The following DLG2 variants were observed in gnomAD, a reference collection of about 807,000 sequenced individuals.
DLG2 encodes the protein disks large homolog 2.
Under a neutral mutation model 132.5 loss-of-function variants are expected in DLG2, and 45 were observed. The observed-to-expected ratio is 0.34, with a 90% CI of 0.27 to 0.44. The LOEUF is 0.44. DLG2 is among the 20% of genes least tolerant of loss of function. The pLI is 1.00. For synonymous variants in DLG2, 424 were observed against 419.6 expected (o/e 1.01, Z -0.13); for missense variants, 1,045 against 1,196.9 (o/e 0.87, Z 1.87).
chr11:84,348,622 T>G (rs941498888), intron 7 of DLG2, among the ~76,000 whole-genome samples: 1 of 152,196 alleles, frequency 6.6e-6, no homozygotes, highest in Admixed American at 6.5e-5. Flanking sequence ...ATGGGTTGAA[T>G]TAAGTACCCC....
At chr11:84,748,398 T>G (rs1163126975) in intron 6 of DLG2, among the ~76,000 whole-genome samples, 1 of 152,162 alleles carries the variant, frequency 6.6e-6, no homozygotes, top group Non-Finnish European at 1.5e-5. Context: ...TAATGAGAAG[T>G]TGAAAATGGT....
chr11:84,626,360 G>T (rs1360810704), intron 6 of DLG2, among the ~76,000 whole-genome samples: 2 of 152,146 alleles, frequency 1.3e-5, no homozygotes, highest in Non-Finnish European at 2.9e-5. Flanking sequence ...AGCTGGGGTG[G>T]GAGGGAAGCC....
At chr11:85,126,063 T>C (rs2075072007) in intron 5 of DLG2, among the ~76,000 whole-genome samples, 1 of 151,858 alleles carries the variant, frequency 6.6e-6, no homozygotes, top group African/African-American at 2.4e-5. Flanking sequence ...TGGATGGTCA[T>C]CTAGAAAAAA....
In DLG2 at chr11:84,060,879, C is replaced by T. The variant is rs561533208; in HGVS notation, c.750-1395G>A. On this transcript the variant is annotated intron_variant, in intron 10 of 27. Coordinates refer to ENST00000376104, the MANE Select transcript of DLG2 (RefSeq NM_001142699.3). ...CCTCAGTCCATCTAGGTTTCTTCATCTTCATTGCTACCACCCTGGTTGAAA... is the reference window on the plus strand; with the variant it reads ...CCTCAGTCCATCTAGGTTTCTTCATTTTCATTGCTACCACCCTGGTTGAAA... Among the ~76,000 whole-genome samples, 9 of 152,270 alleles carry T rather than the reference C, an allele frequency of 5.9e-5. No individual in the cohort carries two copies. The South Asian group carries it at 1.9e-3, about 32-fold the overall frequency.
At chr11:83,893,746 A>G (rs2154090590) in intron 15 of DLG2, among the ~76,000 whole-genome samples, 1 of 152,314 alleles carries the variant, frequency 6.6e-6, no homozygotes, top group East Asian at 1.9e-4. Context: ...CTTTAATGCC[A>G]TGATTCCAGT....
At chr11:84,629,224 ATCT>A (rs1482813489) in intron 6 of DLG2, among the ~76,000 whole-genome samples, 3 of 152,178 alleles carry the variant, frequency 2.0e-5, no homozygotes, top group Admixed American at 1.3e-4. Context: ...CCCCACATAC[ATCT>A]TCTTGTAAAA....
intron 11 of DLG2, among the ~76,000 whole-genome samples, chr11:83,981,921 A>T (rs2154175015): frequency 6.6e-6 from 1 of 152,324 alleles, no homozygotes; most frequent in East Asian, 1.9e-4. Context: ...GCACTGCATA[A>T]CAATGTTTTG....
chr11:85,290,071 T>G (rs189642000), intron 3 of DLG2, among the ~76,000 whole-genome samples: 17 of 152,246 alleles, frequency 1.1e-4, no homozygotes, highest in Non-Finnish European at 2.2e-4. Flanking sequence ...AAGCACACAA[T>G]GAATTCTTGG....
At chr11:84,600,254 A>AGCAAGCAAGCAG (rs1565421073) in intron 6 of DLG2, among the ~76,000 whole-genome samples, 1 of 141,998 alleles carries the variant, frequency 7.0e-6, no homozygotes, top group African/African-American at 2.9e-5. Flanking sequence ...CAAGCAAGCA[A>AGCAAGCAAGCAG]GCAGGCAGGC....
At chr11:84,502,925 A>G (rs1276652489) in intron 7 of DLG2, among the ~76,000 whole-genome samples, 3 of 152,216 alleles carry the variant, frequency 2.0e-5, no homozygotes, top group African/African-American at 7.2e-5. Flanking sequence ...GAAATGCTAC[A>G]TGGAGAAGAA....
chr11:84,296,760 A>T (rs1280089183), intron 7 of DLG2, among the ~76,000 whole-genome samples: 2 of 152,132 alleles, frequency 1.3e-5, no homozygotes, highest in African/African-American at 2.4e-5. Context: ...CTTGAGAGAG[A>T]GAGAGAGGAA....
chr11:84,428,562 GT>G (rs1243776255), intron 7 of DLG2, among the ~76,000 whole-genome samples: 2 of 152,184 alleles, frequency 1.3e-5, no homozygotes, highest in African/African-American at 4.8e-5. Flanking sequence ...CCTTTTCTCT[GT>G]GTCCTCACAC....
chr11:83,505,741 C>T (rs1592054897), intron 21 of DLG2, among the ~76,000 whole-genome samples: 2 of 152,338 alleles, frequency 1.3e-5, no homozygotes, highest in East Asian at 1.9e-4. Flanking sequence ...GTGCACTGCT[C>T]TAAGTTCTGC....
chr11:84,507,342 G>A (rs1286086352), intron 7 of DLG2, among the ~76,000 whole-genome samples: 1 of 152,172 alleles, frequency 6.6e-6, no homozygotes, highest in Non-Finnish European at 1.5e-5. Flanking sequence ...CAGGAGAGTA[G>A]CTAACTAATA....
At chr11:85,025,043 G>A (rs2060399343) in intron 6 of DLG2, among the ~76,000 whole-genome samples, 1 of 152,134 alleles carries the variant, frequency 6.6e-6, no homozygotes, top group South Asian at 2.1e-4. Flanking sequence ...AATATTACAT[G>A]TAATTCTGTC....
At chr11:85,586,255 T>C (rs1195748180) in intron 3 of DLG2, among the ~76,000 whole-genome samples, 2 of 152,246 alleles carry the variant, frequency 1.3e-5, no homozygotes, top group African/African-American at 4.8e-5. Context: ...CGTCTTTCTC[T>C]ATCTTTTGGA....
At chr11:84,789,198 T>C (rs2073422303) in intron 6 of DLG2, among the ~76,000 whole-genome samples, 1 of 152,194 alleles carries the variant, frequency 6.6e-6, no homozygotes. Context: ...ACTCACTGCC[T>C]TTCCTGGAGT....
At chr11:84,846,385 G>T (rs1483491427) in intron 6 of DLG2, among the ~76,000 whole-genome samples, 1 of 152,078 alleles carries the variant, frequency 6.6e-6, no homozygotes, top group African/African-American at 2.4e-5. Flanking sequence ...TGTAAACTAA[G>T]AATCACTCCT....
At chr11:85,625,943 A>T (rs902777434) in intron 2 of DLG2, among the ~76,000 whole-genome samples, 19 of 152,222 alleles carry the variant, frequency 1.2e-4, no homozygotes, top group African/African-American at 4.6e-4. Flanking sequence ...CTAGATCTTG[A>T]TCAATTCCAA....
Sources: allele counts gnomAD v4.1 joint callset (sites outside exome capture counted in the v4.1 genomes callset), GRCh38; gene constraint gnomAD v4.1.1; transcripts MANE v1.5; gene names NCBI Gene and HGNC (gene_info 2026-07-23, HGNC 2026-07-21).